Variants in LPP observed in about 807,000 individuals in gnomAD.
LPP encodes the protein lipoma-preferred partner.
A neutral mutation model predicts 60.4 loss-of-function variants in LPP; 38 were observed. That is an observed-to-expected ratio of 0.63 (90% CI 0.49 to 0.83). LPP has a LOEUF of 0.83. LPP is among the 40% of genes least tolerant of loss of function. The pLI, the probability that LPP is intolerant of heterozygous loss-of-function variation, is 0.00. For synonymous variants in LPP, 328 were observed against 290.8 expected, an observed-to-expected ratio of 1.13 and a Z score of -1.30; for missense variants, 902 against 783.6, an observed-to-expected ratio of 1.15 and a Z score of -1.80.
intron 6 of LPP, among the ~76,000 whole-genome samples, chr3:188,555,090 G>C (rs1235443046): frequency 1.3e-5 from 2 of 152,106 alleles, no homozygotes; most frequent in Non-Finnish European, 2.9e-5. Flanking sequence ...GTGAGGAAGT[G>C]AGCTCTGCAG....
intron 3 of LPP, among the ~76,000 whole-genome samples, chr3:188,345,502 T>C (rs1764095617): frequency 6.6e-6 from 1 of 151,916 alleles, no homozygotes; most frequent in Non-Finnish European, 1.5e-5. Context: ...TTGGGGAACA[T>C]TAAAAAAAAG....
intron 3 of LPP, among the ~76,000 whole-genome samples, chr3:188,404,250 T>A (rs141778842): frequency 7.1e-6 from 1 of 141,002 alleles, no homozygotes; most frequent in Non-Finnish European, 1.7e-5. Flanking sequence ...GTTTATATGT[T>A]TGTTTGTTTT....
intron 8 of LPP, among the ~76,000 whole-genome samples, chr3:188,732,391 A>G (rs374306757): frequency 6.6e-6 from 1 of 152,226 alleles, no homozygotes; most frequent in Non-Finnish European, 1.5e-5. Context: ...TCCCTCTTCC[A>G]TGAACCACTG....
chr3:188,466,941 T>C (rs1800619754), intron 4 of LPP, among the ~76,000 whole-genome samples: 1 of 130,562 alleles, frequency 7.7e-6, no homozygotes, highest in Non-Finnish European at 1.6e-5. Flanking sequence ...CTTTATGGCA[T>C]TGCTATGTGA....
At chr3:188,347,621 G>C (rs1764737699) in intron 3 of LPP, among the ~76,000 whole-genome samples, 1 of 152,114 alleles carries the variant, frequency 6.6e-6, no homozygotes, top group African/African-American at 2.4e-5. Context: ...TTGAGCTTGA[G>C]ACTTTTAACA....
At chr3:188,395,807 G>T (rs148018510) in intron 3 of LPP, among the ~76,000 whole-genome samples, 1 of 152,066 alleles carries the variant, frequency 6.6e-6, no homozygotes, top group African/African-American at 2.4e-5. Context: ...GACTACTTTG[G>T]AGAGGCTGAG....
chr3:188,529,729 C>T (rs1400402520), intron 6 of LPP, among the ~76,000 whole-genome samples: 2 of 152,162 alleles, frequency 1.3e-5, no homozygotes, highest in Non-Finnish European at 1.5e-5. Context: ...ATTCACCTAA[C>T]ATTTGATGAG....
chr3:188,685,823 G>A (rs1230060913), intron 7 of LPP, among the ~76,000 whole-genome samples: 1 of 151,908 alleles, frequency 6.6e-6, no homozygotes, highest in African/African-American at 2.4e-5. Context: ...TAGCTCCCTT[G>A]AACAAGCTTC....
chr3:188,685,671 G>C (rs1392427329), intron 7 of LPP, among the ~76,000 whole-genome samples: 1 of 152,074 alleles, frequency 6.6e-6, no homozygotes, highest in African/African-American at 2.4e-5. Context: ...CCCTCAAATG[G>C]ATAAACCCAG....
chr3:188,517,331 T>C (rs1214213101), intron 5 of LPP, among the ~76,000 whole-genome samples: 3 of 152,170 alleles, frequency 2.0e-5, no homozygotes, highest in Admixed American at 6.5e-5. Flanking sequence ...ATTGATTGTT[T>C]CCCCAATTTC....
intron 3 of LPP, among the ~76,000 whole-genome samples, chr3:188,375,028 G>C (rs1029520279): frequency 1.3e-5 from 2 of 152,098 alleles, no homozygotes; most frequent in African/African-American, 4.8e-5. Context: ...TGTGTATGTT[G>C]AACCAGCCTT....
chr3:188,705,016 G>T (rs921901118), intron 7 of LPP, among the ~76,000 whole-genome samples: 1 of 152,118 alleles, frequency 6.6e-6, no homozygotes, highest in Non-Finnish European at 1.5e-5. Context: ...TCCTCTCAGG[G>T]TCCTTCACTT....
At chr3:188,555,586 G>T (rs1395876967) in intron 6 of LPP, among the ~76,000 whole-genome samples, 1 of 152,030 alleles carries the variant, frequency 6.6e-6, no homozygotes, top group Non-Finnish European at 1.5e-5. Context: ...AGTAATAGAA[G>T]AGTCAAGAAT....
At chr3:188,763,661 G>T (rs1733131661) in intron 9 of LPP, among the ~76,000 whole-genome samples, 1 of 151,452 alleles carries the variant, frequency 6.6e-6, no homozygotes, top group African/African-American at 2.4e-5. Flanking sequence ...GTTTTGCATT[G>T]TTAGTATTCA....
At chr3:188,236,138 A>G (rs1201278621) in intron 2 of LPP, among the ~76,000 whole-genome samples, 7 of 152,224 alleles carry the variant, frequency 4.6e-5, no homozygotes, top group African/African-American at 1.2e-4. Flanking sequence ...ATTGTGATCT[A>G]TTAGGTTGGT....
At chr3:188,320,665 A>T (rs933375363) in intron 2 of LPP, among the ~76,000 whole-genome samples, 2 of 152,192 alleles carry the variant, frequency 1.3e-5, no homozygotes, top group African/African-American at 4.8e-5. Context: ...TTTGACAAGG[A>T]CATTGAATTT....
At chr3:188,688,498 T>G (rs934939748) in intron 7 of LPP, among the ~76,000 whole-genome samples, 3 of 152,156 alleles carry the variant, frequency 2.0e-5, no homozygotes, top group Non-Finnish European at 4.4e-5. Flanking sequence ...TATGCCAAGA[T>G]AGTTGGAAGA....
intron 1 of LPP, among the ~76,000 whole-genome samples, chr3:188,185,351 G>C (rs1368682214): frequency 6.6e-6 from 1 of 152,042 alleles, no homozygotes; most frequent in Admixed American, 6.6e-5. Context: ...GTAAATGCAA[G>C]TCAGGAACAT....
chr3:188,628,084 C>A (rs1350257799), intron 7 of LPP, among the ~76,000 whole-genome samples: 2 of 151,888 alleles, frequency 1.3e-5, no homozygotes, highest in Non-Finnish European at 2.9e-5. Flanking sequence ...ATACAACATA[C>A]CAGAGAACAC....
Sources: gnomAD v4.1 joint callset for allele counts (sites outside exome capture counted in the v4.1 genomes callset) on GRCh38, gnomAD v4.1.1 for gene constraint, MANE v1.5 for transcripts, NCBI Gene and HGNC (gene_info 2026-07-23, HGNC 2026-07-21) for gene names.